The following MEGF11 variants were observed in gnomAD, a reference collection of about 807,000 sequenced individuals.
The protein encoded by MEGF11 is multiple epidermal growth factor-like domains protein 11.
Under a neutral mutation model 146.6 loss-of-function variants are expected in MEGF11, and 126 were observed. The ratio of observed to expected loss-of-function variants is 0.86; its 90% CI spans 0.74 to 1.00. The LOEUF is 1.00. Ranked by LOEUF, MEGF11 falls within the 50% of genes least tolerant of loss-of-function variation. The probability of loss-of-function intolerance (pLI) is 0.00; values close to 1 mark genes in which losing one functional copy is unlikely to be tolerated. For synonymous variants in MEGF11, 532 were observed against 583.4 expected (o/e 0.91, Z 1.27); for missense variants, 1,509 against 1,521.2 (o/e 0.99, Z 0.13).
intron 5 of MEGF11, among the ~76,000 whole-genome samples, chr15:66,082,780 T>C (rs1226564307): frequency 6.8e-6 from 1 of 147,024 alleles, no homozygotes; most frequent in African/African-American, 2.5e-5. Context: ...TCGTGGCCCC[T>C]CATCATGCTT....
At chr15:65,999,368 G>T (rs2082290331) in intron 5 of MEGF11, among the ~76,000 whole-genome samples, 3 of 152,218 alleles carry the variant, frequency 2.0e-5, no homozygotes, top group Admixed American at 1.3e-4. Flanking sequence ...CCCTACATGA[G>T]GGGGGCTTCT....
intron 5 of MEGF11, among the ~76,000 whole-genome samples, chr15:66,056,777 G>A (rs1191875106): frequency 6.6e-6 from 1 of 152,148 alleles, no homozygotes; most frequent in Admixed American, 6.5e-5. Flanking sequence ...GTGTGACCTT[G>A]GGCCTCAGTT....
chr15:65,932,749 T>C (rs1291897941), intron 10 of MEGF11, among the ~76,000 whole-genome samples: 3 of 152,062 alleles, frequency 2.0e-5, no homozygotes, highest in Non-Finnish European at 2.9e-5. Flanking sequence ...TGTGGGGCTG[T>C]CTATGCCGGA....
intron 4 of MEGF11, among the ~76,000 whole-genome samples, chr15:66,110,490 G>T (rs1411395457): frequency 1.3e-5 from 2 of 152,132 alleles, no homozygotes; most frequent in Non-Finnish European, 2.9e-5. Flanking sequence ...TGCCTTCCTT[G>T]CCTCCCTATT....
chr15:66,095,382 A>G (rs913496814), intron 4 of MEGF11, among the ~76,000 whole-genome samples: 4 of 152,262 alleles, frequency 2.6e-5, no homozygotes, highest in African/African-American at 7.2e-5. Context: ...CTGAAAGCTC[A>G]GGGAATCAGC....
chr15:66,231,413 G>A (rs1289196028), intron 1 of MEGF11, among the ~76,000 whole-genome samples: 4 of 150,992 alleles, frequency 2.6e-5, no homozygotes, highest in East Asian at 1.9e-4. Flanking sequence ...GGGTCAGAAC[G>A]GAAGTTGTCA....
chr15:66,012,773 G>T (rs2082749818), intron 5 of MEGF11, among the ~76,000 whole-genome samples: 1 of 152,222 alleles, frequency 6.6e-6, no homozygotes, highest in Admixed American at 6.5e-5. Flanking sequence ...CCTGCCAAAA[G>T]CCACAGCCAT....
intron 1 of MEGF11, among the ~76,000 whole-genome samples, chr15:66,185,926 T>C (rs1403244325): frequency 6.6e-6 from 1 of 152,210 alleles, no homozygotes; most frequent in Non-Finnish European, 1.5e-5. Context: ...AGCTGCTAGT[T>C]GCCTTCACTC....
At chr15:66,172,923 T>C (rs2090299179) in intron 1 of MEGF11, among the ~76,000 whole-genome samples, 1 of 152,204 alleles carries the variant, frequency 6.6e-6, no homozygotes, top group Admixed American at 6.5e-5. Flanking sequence ...GCCTGACTTT[T>C]CCGCGTCCCT....
chr15:65,948,525 C>T (rs1254038874), intron 10 of MEGF11, among the ~76,000 whole-genome samples: 7 of 152,172 alleles, frequency 4.6e-5, no homozygotes, highest in Non-Finnish European at 1.0e-4. Context: ...CACACAGCTA[C>T]TGAGTGACAG....
intron 1 of MEGF11, among the ~76,000 whole-genome samples, chr15:66,242,251 A>G (rs551647910): frequency 1.3e-5 from 2 of 151,902 alleles, no homozygotes; most frequent in East Asian, 4.0e-4. Flanking sequence ...TACAAAAAAA[A>G]ATAAAAAATT....
chr15:65,904,684 C>T (rs1363828671), intron 24 of MEGF11, among the ~76,000 whole-genome samples: 1 of 152,172 alleles, frequency 6.6e-6, no homozygotes, highest in African/African-American at 2.4e-5. Context: ...CTGGGTCAGT[C>T]TAGACCAGTG....
At chr15:66,153,487 C>A (rs1242260970) in intron 1 of MEGF11, among the ~76,000 whole-genome samples, 2 of 152,074 alleles carry the variant, frequency 1.3e-5, no homozygotes, top group African/African-American at 2.4e-5. Flanking sequence ...AGAGGAGAAT[C>A]GCTTGAACCA....
intron 5 of MEGF11, among the ~76,000 whole-genome samples, chr15:65,996,495 T>C (rs2082202442): frequency 6.6e-6 from 1 of 151,954 alleles, no homozygotes; most frequent in Non-Finnish European, 1.5e-5. Context: ...TTTTTTTTTT[T>C]TTTAATCTCA....
In MEGF11 at chr15:66,246,462, A is replaced by G. The variant is rs576586875; in HGVS notation, c.-9+7143T>C. Among the ~76,000 whole-genome samples the G allele has an allele frequency of 9.9e-5, 15 of 152,086 alleles. No homozygotes were observed. In the South Asian group the frequency reaches 2.1e-3, roughly 21 times the overall value. ...GGAAACATTAGATTTCAGTTTAGGC[A>G]TATAGGTTTCATGATGGCGGCCAGG... On this transcript the variant is annotated intron_variant, in intron 1 of 25. Coordinates refer to ENST00000395614, the MANE Select transcript of MEGF11 (RefSeq NM_001385028.1).
At chr15:65,922,733 A>C in intron 14 of MEGF11, 90 bp downstream of exon 14, 1 of 1,474,084 alleles carries the variant, frequency 6.8e-7, no homozygotes, top group Non-Finnish European at 9.2e-7. Context: ...TCAAGAGCCC[A>C]GCCTCTCTCA....
rs904917074 is a variant in MEGF11, at chr15:65,999,458, G to A, written c.395-16970C>T. On this transcript the variant is annotated intron_variant, in intron 5 of 25. Coordinates refer to ENST00000395614, the MANE Select transcript of MEGF11 (RefSeq NM_001385028.1). ...TTAGAGAAGCTTCAAGAACCTTCCT[G>A]CTTCCTCCACCTCATGTGCCCACTG... 7.9e-5 allele frequency among the ~76,000 whole-genome samples: 12 copies of A among 152,246 alleles called. No individual in the cohort carries two copies. In the South Asian group the frequency reaches 1.5e-3, roughly 18 times the overall value.
intron 10 of MEGF11, among the ~76,000 whole-genome samples, chr15:65,939,715 G>A (rs763043189): frequency 1.8e-4 from 28 of 151,958 alleles, no homozygotes; most frequent in African/African-American, 6.0e-4. Flanking sequence ...GGCTGGTCTC[G>A]AACTCTTGAC....
intron 10 of MEGF11, among the ~76,000 whole-genome samples, chr15:65,933,008 A>G (rs1245115471): frequency 6.6e-6 from 1 of 152,080 alleles, no homozygotes; most frequent in Non-Finnish European, 1.5e-5. Context: ...TCTCAACTCT[A>G]AGGGTCCAGG....
Sources: allele counts gnomAD v4.1 joint callset (sites outside exome capture counted in the v4.1 genomes callset), GRCh38; gene constraint gnomAD v4.1.1; transcripts MANE v1.5; gene names NCBI Gene and HGNC (gene_info 2026-07-23, HGNC 2026-07-21).